Variants in RRM2 observed in about 807,000 individuals in gnomAD.
RRM2 encodes ribonucleoside-diphosphate reductase subunit M2.
In RRM2, 6 loss-of-function variants were observed where a neutral mutation model predicts 45.9. That is an observed-to-expected ratio of 0.13 (90% CI 0.07 to 0.26). RRM2 has a LOEUF of 0.26. RRM2 is among the 10% of genes least tolerant of loss of function. RRM2 has a pLI of 1.00. For missense variants in RRM2, 343 were observed against 489.5 expected (o/e 0.70, Z 2.82); for synonymous variants, 177 against 173.0 (o/e 1.02, Z -0.18).
chr2:10,197,001 C>G (rs1418481824), intron 3 of RRM2, among the ~76,000 whole-genome samples: 1 of 152,192 alleles, frequency 6.6e-6, no homozygotes, highest in East Asian at 1.9e-4. Context: ...TCCAGGGGAG[C>G]CAGCTCAGCT....
At chr2:10,126,471 T>C (rs1178173795) in intron 5 of RRM2, 1 of 170,412 alleles carries the variant, frequency 5.9e-6, no homozygotes, top group Non-Finnish European at 1.2e-5. Context: ...CACCTAATCA[T>C]AGTCTGATAA....
downstream of RRM2, among the ~76,000 whole-genome samples, chr2:10,131,773 C>A (rs143568890): frequency 9.8e-5 from 15 of 152,296 alleles, no homozygotes; most frequent in East Asian, 1.5e-3. Flanking sequence ...CTAACGAATT[C>A]ATTTGCTTTC....
At chr2:10,191,838 C>T (rs1244132596) in intron 3 of RRM2, among the ~76,000 whole-genome samples, 1 of 152,136 alleles carries the variant, frequency 6.6e-6, no homozygotes, top group Non-Finnish European at 1.5e-5. Context: ...CCGGCTGCTG[C>T]GGAGGTAGGA....
intron 3 of RRM2, among the ~76,000 whole-genome samples, chr2:10,206,839 C>T (rs963596526): frequency 1.3e-5 from 2 of 152,144 alleles, no homozygotes; most frequent in African/African-American, 4.8e-5. Context: ...TAATGGAAGA[C>T]ACAGAGCTGG....
At chr2:10,135,814 G>A (rs1662980121), downstream of RRM2, among the ~76,000 whole-genome samples, 2 of 152,166 alleles carry the variant, frequency 1.3e-5, no homozygotes, top group Non-Finnish European at 2.9e-5. Context: ...AAACACGATG[G>A]TGATAACTGC....
At chr2:10,207,415 G>C (rs1335778305) in intron 3 of RRM2, among the ~76,000 whole-genome samples, 1 of 152,132 alleles carries the variant, frequency 6.6e-6, no homozygotes, top group Non-Finnish European at 1.5e-5. Flanking sequence ...CAATCTGATA[G>C]TCTCCCCCCT....
chr2:10,174,286 TA>T (rs1474877326), intron 3 of RRM2, among the ~76,000 whole-genome samples: 1 of 147,156 alleles, frequency 6.8e-6, no homozygotes, highest in African/African-American at 2.4e-5. Flanking sequence ...CGGCCTGAGC[TA>T]AGACAGCAGC....
At chr2:10,180,807 G>A (rs190501072) in intron 3 of RRM2, among the ~76,000 whole-genome samples, 28 of 152,052 alleles carry the variant, frequency 1.8e-4, no homozygotes, top group African/African-American at 6.5e-4. Flanking sequence ...TCACTCTGTC[G>A]CTAGGCTGGA....
chr2:10,166,396 C>T (rs1663681891), intron 3 of RRM2, among the ~76,000 whole-genome samples: 1 of 152,210 alleles, frequency 6.6e-6, no homozygotes, highest in African/African-American at 2.4e-5. Context: ...GCGCTTAGGT[C>T]AGCCGACTGG....
intron 3 of RRM2, among the ~76,000 whole-genome samples, chr2:10,146,447 G>A (rs573812712): frequency 1.3e-4 from 20 of 152,342 alleles, no homozygotes; most frequent in African/African-American, 2.6e-4. Flanking sequence ...TCTGCTCTGC[G>A]GAATAGGGAA....
At chr2:10,197,311 C>T (rs906456054) in intron 3 of RRM2, among the ~76,000 whole-genome samples, 12 of 152,218 alleles carry the variant, frequency 7.9e-5, no homozygotes, top group Non-Finnish European at 7.4e-5. Context: ...GCCGGCTCCA[C>T]GGGCTGTCTC....
chr2:10,159,704 TG>T (rs1188677135), intron 3 of RRM2, among the ~76,000 whole-genome samples: 2 of 152,220 alleles, frequency 1.3e-5, no homozygotes, highest in Non-Finnish European at 1.5e-5. Flanking sequence ...GCCGCTGTAT[TG>T]TGTGTTCACA....
intron 3 of RRM2, among the ~76,000 whole-genome samples, chr2:10,199,844 T>G (rs556217599): frequency 6.7e-6 from 1 of 150,144 alleles, no homozygotes; most frequent in East Asian, 2.0e-4. Context: ...TTTGCCAGAT[T>G]TTTTTTTAGG....
chr2:10,160,367 C>T (rs1352701101), intron 3 of RRM2, among the ~76,000 whole-genome samples: 1 of 152,230 alleles, frequency 6.6e-6, no homozygotes, highest in Non-Finnish European at 1.5e-5. Context: ...TCCCTGCTGC[C>T]TGCACGGAGT....
intron 3 of RRM2, among the ~76,000 whole-genome samples, chr2:10,194,173 G>A (rs1316001715): frequency 2.0e-5 from 3 of 152,204 alleles, no homozygotes; most frequent in African/African-American, 2.4e-5. Flanking sequence ...GGGAGAGCTG[G>A]AAAAGCTTCG....
chr2:10,161,034 A>G (rs749782304), intron 3 of RRM2, among the ~76,000 whole-genome samples: 4 of 152,120 alleles, frequency 2.6e-5, no homozygotes, highest in Non-Finnish European at 5.9e-5. Context: ...GCTACACAGC[A>G]CTGAGCTCCA....
intron 3 of RRM2, among the ~76,000 whole-genome samples, chr2:10,162,521 T>A (rs183852643): frequency 1.5e-3 from 226 of 151,808 alleles, no homozygotes; most frequent in African/African-American, 5.0e-3. Flanking sequence ...CCGGCCACAC[T>A]CTCCTTGGCC....
chr2:10,170,087 A>G (rs912644399), intron 3 of RRM2, among the ~76,000 whole-genome samples: 6 of 152,112 alleles, frequency 3.9e-5, no homozygotes, highest in African/African-American at 1.4e-4. Context: ...AGAGAGAAGG[A>G]GGTGCCTTTC....
At chr2:10,147,766 T>C (rs1663219899) in intron 3 of RRM2, among the ~76,000 whole-genome samples, 1 of 152,224 alleles carries the variant, frequency 6.6e-6, no homozygotes, top group Non-Finnish European at 1.5e-5. Flanking sequence ...ATTATATTTC[T>C]TAGTGTTTGT....
Sources: allele counts gnomAD v4.1 joint callset (sites outside exome capture counted in the v4.1 genomes callset), GRCh38; gene constraint gnomAD v4.1.1; transcripts MANE v1.5; gene names NCBI Gene and HGNC (gene_info 2026-07-23, HGNC 2026-07-21).